Variants in EPHX2 observed in about 807,000 individuals in gnomAD.
EPHX2 encodes epoxide hydrolase 2.
In EPHX2, 74 loss-of-function variants were observed where a neutral mutation model predicts 78.7. The ratio of observed to expected loss-of-function variants is 0.94; its 90% CI spans 0.78 to 1.14. The LOEUF is 1.14. Ranked by LOEUF, EPHX2 falls within the 50% of genes most tolerant of loss-of-function variation. The probability of loss-of-function intolerance (pLI) is 0.00; values close to 1 mark genes in which losing one functional copy is unlikely to be tolerated. For synonymous variants in EPHX2, 251 were observed against 255.2 expected, an observed-to-expected ratio of 0.98 and a Z score of 0.16; for missense variants, 715 against 702.5, an observed-to-expected ratio of 1.02 and a Z score of -0.20.
intron 3 of EPHX2, among the ~76,000 whole-genome samples, chr8:27,504,260 C>G (rs1023021714): frequency 1.3e-5 from 2 of 152,136 alleles, no homozygotes; most frequent in Non-Finnish European, 2.9e-5. Flanking sequence ...AACTATTCCA[C>G]CCTCTTATCA....
At chr8:27,536,939 A>G in intron 13 of EPHX2, 84 bp downstream of exon 13, 3 of 1,426,896 alleles carry the variant, frequency 2.1e-6, no homozygotes, top group Non-Finnish European at 2.9e-6. Context: ...AGGGACCAGG[A>G]GTAGCAATCT....
intron 14 of EPHX2, chr8:27,539,333 A>G (rs1319520472): frequency 6.6e-6 from 1 of 152,304 alleles, no homozygotes. Flanking sequence ...GACCATCTGT[A>G]TAAAACTCTG....
In EPHX2 at chr8:27,518,065, T is replaced by TA. The variant is rs1247828654; in HGVS notation, c.939dup (p.Cys314MetfsTer2). On this transcript the variant is annotated frameshift_variant, in exon 9 of 19. Transcript: ENST00000521400. LOFTEE classifies it high-confidence loss of function. ...ATAGAAGAATATTGCATGGAAGTGTTATGTAAGGTAAGAAGAATCTTGGGT... is the reference window on the plus strand; with the variant it reads ...ATAGAAGAATATTGCATGGAAGTGTTAATGTAAGGTAAGAAGAATCTTGGGT... 2.5e-6 allele frequency: 4 copies of TA among 1,599,972 alleles called. No homozygotes were observed. In the African/African-American group the frequency reaches 5.4e-5, roughly 22 times the overall value.
intron 11 of EPHX2, among the ~76,000 whole-genome samples, chr8:27,523,545 G>T (rs982919224): frequency 2.6e-5 from 4 of 152,134 alleles, no homozygotes; most frequent in Admixed American, 2.6e-4. Context: ...CAGTTATTTT[G>T]TATTTGGCTA....
intron 1 of EPHX2, among the ~76,000 whole-genome samples, chr8:27,494,083 G>C (rs1366020816): frequency 6.6e-6 from 1 of 152,136 alleles, no homozygotes; most frequent in African/African-American, 2.4e-5. Flanking sequence ...CAGGGAGGAG[G>C]TGATGATTTT....
chr8:27,506,966 A>G lies in EPHX2; in HGVS notation c.632A>G (p.Lys211Arg). 6.2e-7 allele frequency: 1 copy of G among 1,614,066 alleles called. No homozygotes were observed. The highest frequency in any genetic ancestry group is 8.5e-7 in the Non-Finnish European group (1 of 1,180,016). Reference protein sequence around the residue: ...ILVQDTDTALKELEKVTGIQL... With the variant: ...ILVQDTDTALRELEKVTGIQL... ...GTCCAGGACACTGACACGGCCCTGA[A>G]AGAACTGGAGAAAGTGACCGGAATC... The change falls in exon 5 of 19, where the codon AAA (lysine) becomes AGA (arginine). Residue 211 changes from lysine to arginine, a missense_variant. By Grantham distance (26) the Lys-to-Arg change is conservative (BLOSUM62 2). Transcript: ENST00000521400.
intron 8 of EPHX2, among the ~76,000 whole-genome samples, chr8:27,517,467 T>G (rs1476153753): frequency 1.3e-5 from 2 of 152,210 alleles, no homozygotes; most frequent in Non-Finnish European, 2.9e-5. Flanking sequence ...TGGAGGCATT[T>G]GAAGCACACT....
intron 6 of EPHX2, among the ~76,000 whole-genome samples, chr8:27,514,926 G>A (rs558651001): frequency 6.6e-6 from 1 of 152,296 alleles, no homozygotes; most frequent in East Asian, 1.9e-4. Context: ...AAGACTATGG[G>A]TGTGGCAAAG....
At chr8:27,525,091 TGTGTGTGTGTGTGTGTGCGCGC>T (rs1814779589) in intron 11 of EPHX2, among the ~76,000 whole-genome samples, 1 of 146,300 alleles carries the variant, frequency 6.8e-6, no homozygotes, top group Non-Finnish European at 1.5e-5. Context: ...TGTGTGTGTG[TGTGTGTGTGTGTGTGTGCGCGC>T]GCGCGCGCGC....
chr8:27,529,992 A>G (rs572025595), intron 12 of EPHX2, among the ~76,000 whole-genome samples: 1 of 152,148 alleles, frequency 6.6e-6, no homozygotes, highest in East Asian at 1.9e-4. Flanking sequence ...GAAAAATTGT[A>G]GGCAGAAGGT....
At chr8:27,548,224 C>T (rs1052845629), downstream of EPHX2, among the ~76,000 whole-genome samples, 1 of 152,158 alleles carries the variant, frequency 6.6e-6, no homozygotes, top group Admixed American at 6.5e-5. Context: ...TATAGGGAAC[C>T]CACGGTTTTA....
chr8:27,515,156 G>A (rs761731849), intron 6 of EPHX2, among the ~76,000 whole-genome samples: 9 of 152,074 alleles, frequency 5.9e-5, no homozygotes, highest in Non-Finnish European at 1.2e-4. Context: ...AAGTGCTGTG[G>A]CAGGGAACTC....
chr8:27,542,967 C>G (rs1438354642), intron 16 of EPHX2, among the ~76,000 whole-genome samples: 1 of 151,768 alleles, frequency 6.6e-6, no homozygotes. Flanking sequence ...CCAGCTGGAT[C>G]TTCCTCTCTC....
At chr8:27,536,696 G>A in intron 12 of EPHX2, 88 bp from the exon 13 acceptor site, 6 of 1,383,340 alleles carry the variant, frequency 4.3e-6, no homozygotes, top group South Asian at 1.2e-5. Flanking sequence ...CACAGGTAGG[G>A]TGCTTGTTGC....
chr8:27,533,610 CAG>C (rs1351707670), intron 12 of EPHX2, among the ~76,000 whole-genome samples: 1 of 152,110 alleles, frequency 6.6e-6, no homozygotes, highest in Non-Finnish European at 1.5e-5. Flanking sequence ...TTTTAAGAGA[CAG>C]GGTCTCACTC....
At chr8:27,519,295 G>T (rs1814564775) in intron 9 of EPHX2, among the ~76,000 whole-genome samples, 1 of 152,254 alleles carries the variant, frequency 6.6e-6, no homozygotes, top group Non-Finnish European at 1.5e-5. Context: ...ACAGAGGAAT[G>T]ACGTGCTGGT....
In EPHX2 at chr8:27,536,774, A is replaced by G. The variant is rs371071296; in HGVS notation, c.1171-10A>G. 2 of 1,608,586 alleles carry G rather than the reference A, an allele frequency of 1.2e-6. No individual in the cohort carries two copies. The highest frequency in any genetic ancestry group is 1.7e-6 in the Non-Finnish European group (2 of 1,176,954). ...GGGGGTCCTTCATTTTGCTTTCTTG[A>G]TTGTTTTAGGGAGTGGCTGAGGCTG... is the stretch of plus-strand genomic sequence containing the variant. On this transcript the variant is annotated splice_polypyrimidine_tract_variant and intron_variant, in intron 12 of 18. Coordinates refer to ENST00000521400, the MANE Select transcript of EPHX2 (RefSeq NM_001979.6).
At chr8:27,496,394 A>T (rs1813574245) in intron 1 of EPHX2, among the ~76,000 whole-genome samples, 1 of 152,274 alleles carries the variant, frequency 6.6e-6, no homozygotes, top group South Asian at 2.1e-4. Context: ...ACCATCCACG[A>T]AAGTTGGGAC....
At chr8:27,503,583 C>G in intron 2 of EPHX2, 21 bp from the exon 3 acceptor site, 14 of 1,592,800 alleles carry the variant, frequency 8.8e-6, no homozygotes, top group Non-Finnish European at 1.2e-5. Flanking sequence ...TACAAATTGT[C>G]CCCTCACTTC....
Sources: allele counts gnomAD v4.1 joint callset (sites outside exome capture counted in the v4.1 genomes callset), GRCh38; gene constraint gnomAD v4.1.1; transcripts MANE v1.5; gene names NCBI Gene and HGNC (gene_info 2026-07-23, HGNC 2026-07-21).